RIC3: variants seen among roughly 807,000 people sequenced by gnomAD.
RIC3 encodes protein RIC-3.
RIC3 carries 28 observed loss-of-function variants against 27.3 expected under a neutral mutation model. The ratio of observed to expected loss-of-function variants is 1.02; its 90% confidence interval spans 0.76 to 1.41. The LOEUF is 1.41. Among genes scored for constraint, RIC3 ranks in the 40% most tolerant of loss-of-function variants. The pLI, the probability that RIC3 is intolerant of heterozygous loss-of-function variation, is 0.00. For missense variants in RIC3, 501 were observed against 444.7 expected, an observed-to-expected ratio of 1.13 and a Z score of -1.14; for synonymous variants, 184 against 160.4, an observed-to-expected ratio of 1.15 and a Z score of -1.11.
At chr11:8,153,521 T>G (rs1950419689) in intron 1 of RIC3, 1 of 389,554 alleles carries the variant, frequency 2.6e-6, no homozygotes, top group African/African-American at 2.1e-5. Flanking sequence ...TTAATCTCTA[T>G]GGCACATTAC....
At chr11:8,124,237 G>A (rs1288520491) in intron 5 of RIC3, among the ~76,000 whole-genome samples, 1 of 151,892 alleles carries the variant, frequency 6.6e-6, no homozygotes, top group Non-Finnish European at 1.5e-5. Flanking sequence ...AATAGAAAAA[G>A]GAACACATCC....
At chr11:8,113,156 T>C (rs1035553958) in intron 5 of RIC3, among the ~76,000 whole-genome samples, 25 of 152,214 alleles carry the variant, frequency 1.6e-4, no homozygotes, top group African/African-American at 5.8e-4. Context: ...TCAGCCACCA[T>C]GGTCAAGGAT....
rs1230438635 is a variant in RIC3, at chr11:8,127,131, T to G, written c.522-324A>C. 2.0e-5 allele frequency among the ~76,000 whole-genome samples: 3 copies of G among 152,170 alleles called. No homozygotes were observed. The South Asian group carries it at 6.2e-4, about 32-fold the overall frequency. ...TTTTCAGGGTATGTCAATGCCCTGA[T>G]TCTCTAATCGCCTAACAATTTCACT... On this transcript the variant is annotated intron_variant, in intron 4 of 5. Transcript: ENST00000309737.
At chr11:8,123,258 A>G (rs1042124258) in intron 5 of RIC3, among the ~76,000 whole-genome samples, 8 of 152,116 alleles carry the variant, frequency 5.3e-5, no homozygotes, top group African/African-American at 1.4e-4. Flanking sequence ...GCAACTGGAG[A>G]GCCAGAAGGA....
chr11:8,099,178 GCATTTC>G, the RIC3 span, among the ~76,000 whole-genome samples: 3 of 152,096 alleles, frequency 2.0e-5, no homozygotes, highest in Non-Finnish European at 4.4e-5. Flanking sequence ...TCTTGTCTGT[GCATTTC>G]CCAGATCATC....
rs754509215 is a variant in RIC3 at position 8,110,932 on chromosome 11, A to T, written c.876T>A (p.Ser292=). ...CTGGCTTTGGATCACACGAGGTAAC[A>T]GAATTATCTTCCTGGGCTCTGGGGT... The part of the protein sequence containing the change: ...PTDPRAQEDN[S]VTSCDPKPET... Residue 292 remains serine, a synonymous_variant, in exon 6 of 6, where the codon TCT becomes TCA. Transcript: ENST00000309737. 6.2e-7 allele frequency: 1 copy of T among 1,614,110 alleles called. No individual in the cohort carries two copies. The highest frequency in any genetic ancestry group is 1.3e-5 in the African/African-American group (1 of 74,936).
intron 5 of RIC3, among the ~76,000 whole-genome samples, chr11:8,122,876 A>T (rs955473010): frequency 1.5e-4 from 23 of 151,210 alleles, no homozygotes; most frequent in Non-Finnish European, 2.7e-4. Flanking sequence ...AAAAAAAAAA[A>T]AAAAAAAAAA....
At position 8,107,695 on chromosome 11, in the gene RIC3, T is replaced by G. The variant is rs755312697; in HGVS notation, c.*3003A>C. The stretch of plus-strand genomic sequence containing the variant: ...CAGCTTCTGGAGCTAGTCATGGAGA[T>G]AATGGTTTCTTTGTGCTCCTGTTGT... On this transcript the variant is annotated 3_prime_UTR_variant, in exon 6 of 6. Coordinates refer to ENST00000309737, the MANE Select transcript of RIC3 (RefSeq NM_001206671.4). 1.2e-4 allele frequency: 18 copies of G among 152,218 alleles called. No homozygotes were observed. The highest frequency in any genetic ancestry group is 2.2e-4 in the Non-Finnish European group (15 of 68,068). 9.4% of individuals were successfully genotyped at this position (152,218 alleles called of 1,614,324 possible).
intron 1 of RIC3, among the ~76,000 whole-genome samples, chr11:8,161,710 A>G (rs544153651): frequency 8.5e-5 from 13 of 152,134 alleles, no homozygotes; most frequent in Non-Finnish European, 1.9e-4. Flanking sequence ...GGAGGACTTA[A>G]AAGAAAAGAG....
chr11:8,096,641 A>AG, the RIC3 span: 1 of 1,331,896 alleles, frequency 7.5e-7, no homozygotes, highest in Non-Finnish European at 1.1e-6. Flanking sequence ...GGGGCAGCGT[A>AG]GACTTCTCCT....
At chr11:8,157,973 T>C (rs1950821311) in intron 1 of RIC3, among the ~76,000 whole-genome samples, 1 of 152,226 alleles carries the variant, frequency 6.6e-6, no homozygotes, top group Non-Finnish European at 1.5e-5. Flanking sequence ...AATGATTTCC[T>C]AATCTCTGTC....
the RIC3 span, among the ~76,000 whole-genome samples, chr11:8,100,215 G>A: frequency 5.9e-5 from 9 of 152,208 alleles, no homozygotes; most frequent in Admixed American, 1.3e-4. Context: ...TGGATTAGAC[G>A]TAGGATGTAG....
At chr11:8,094,231 C>T in the RIC3 span, 1 of 1,569,558 alleles carries the variant, frequency 6.4e-7, no homozygotes, top group South Asian at 1.2e-5. Context: ...CAGGCCTGGC[C>T]TCCACTGTAG....
intron 1 of RIC3, among the ~76,000 whole-genome samples, chr11:8,145,111 C>T (rs1449267378): frequency 1.4e-5 from 2 of 143,142 alleles, no homozygotes; most frequent in African/African-American, 5.2e-5. Context: ...AGCGCACCAG[C>T]ATGGCACATG....
At position 8,110,596 on chromosome 11, in the gene RIC3, G is replaced by C. The variant is rs1945127669; in HGVS notation, c.*102C>G. 1 of 1,026,898 alleles carries C rather than the reference G, an allele frequency of 9.7e-7. No individual in the cohort carries two copies. Among genetic ancestry groups the C allele is most frequent in the Non-Finnish European group, 1.5e-6 (1 of 654,238 alleles). 63.6% of individuals were successfully genotyped at this position (1,026,898 alleles called of 1,614,324 possible). ...TAGTGGCCTGATAGCTATGACACTT[G>C]AACACAGTGAAGAAAGTGCAGGGCA... On this transcript the variant is annotated 3_prime_UTR_variant, in exon 6 of 6. Coordinates refer to ENST00000309737, the MANE Select transcript of RIC3 (RefSeq NM_001206671.4).
intron 1 of RIC3, among the ~76,000 whole-genome samples, chr11:8,141,923 A>C (rs1324015790): frequency 6.6e-6 from 1 of 152,056 alleles, no homozygotes; most frequent in Non-Finnish European, 1.5e-5. Flanking sequence ...CTCCTGAATG[A>C]CTACTGGATA....
chr11:8,110,549 G>C lies in RIC3; in HGVS notation c.*149C>G, dbSNP rs117153036. On this transcript the variant is annotated 3_prime_UTR_variant, in exon 6 of 6. Coordinates refer to ENST00000309737, the MANE Select transcript of RIC3 (RefSeq NM_001206671.4). Reference sequence around the variant, plus strand: ...AAGGTGACAGGTGTGTGAGCACCAGGAAGGATACATGATATCCATGATAGT... The same window carrying C: ...AAGGTGACAGGTGTGTGAGCACCAGCAAGGATACATGATATCCATGATAGT... 7.3e-3 allele frequency: 5,511 copies of C among 758,142 alleles called. 30 individuals are homozygous for C. Among genetic ancestry groups the C allele is most frequent in the Middle Eastern group, 9.0e-3 (29 of 3,236 alleles). The allele number at this position is 758,142 out of a possible 1,614,324, so 47.0% of individuals were successfully genotyped here. A position where few individuals can be genotyped will look rare whatever the true frequency, so the allele number is the denominator to read the frequency against.
chr11:8,141,033 G>A (rs561764058), intron 1 of RIC3, among the ~76,000 whole-genome samples: 1,895 of 148,648 alleles, frequency 0.013, 50 homozygotes, highest in African/African-American at 0.045. Context: ...TGAAGGAAGC[G>A]CTAAACATGG....
intron 1 of RIC3, among the ~76,000 whole-genome samples, chr11:8,162,241 C>T (rs1380116304): frequency 6.6e-6 from 1 of 152,232 alleles, no homozygotes. Flanking sequence ...ACATTTCTAA[C>T]ACAGGGTCTT....
Sources: allele counts gnomAD v4.1 joint callset (sites outside exome capture counted in the v4.1 genomes callset), GRCh38; gene constraint gnomAD v4.1.1; transcripts MANE v1.5; gene names NCBI Gene and HGNC (gene_info 2026-07-23, HGNC 2026-07-21).